KDR: variants seen among roughly 807,000 people sequenced by gnomAD.
KDR encodes the protein kinase insert domain receptor.
KDR carries 43 observed loss-of-function variants against 160.9 expected under a neutral mutation model. The observed-to-expected ratio is 0.27, with a 90% CI of 0.21 to 0.34. KDR has a LOEUF of 0.34. Among genes scored for constraint, KDR ranks in the 10% least tolerant of loss-of-function variants. The probability of loss-of-function intolerance (pLI) is 1.00; values close to 1 mark genes in which losing one functional copy is unlikely to be tolerated. For missense variants in KDR, 1,469 were observed against 1,666.4 expected (o/e 0.88, Z 2.06); for synonymous variants, 617 against 600.1 (o/e 1.03, Z -0.41).
intron 27 of KDR, among the ~76,000 whole-genome samples, chr4:55,085,810 G>C (rs1228194888): frequency 6.6e-6 from 1 of 152,194 alleles, no homozygotes; most frequent in Non-Finnish European, 1.5e-5. Flanking sequence ...TGTCACATTT[G>C]TCCACGCTTC....
At chr4:55,110,597 A>G (rs759294625) in intron 8 of KDR, 31 bp from the exon 9 acceptor site, 1 of 1,612,738 alleles carries the variant, frequency 6.2e-7, no homozygotes, top group Non-Finnish European at 8.5e-7. Context: ...GAATTAGTAT[A>G]GTCAAAGGAT....
At position 55,106,762 on chromosome 4, in the gene KDR, A is replaced by G; in HGVS notation, c.1461T>C (p.Ser487=). The change falls in exon 11 of 30, where the codon AGT becomes AGC. Residue 487 remains serine, a synonymous_variant. Transcript: ENST00000263923. The stretch of plus-strand genomic sequence containing the variant: ...TATTTCCTCCCTGGAAGTCCTCCAC[A>G]CTTCTCCATTCTTCACAAGGGTATG... ...TNPYPCEEWR[S]VEDFQGGNKI... 4 of 1,600,586 alleles carry G rather than the reference A, an allele frequency of 2.5e-6. No homozygotes were observed. The highest frequency in any genetic ancestry group is 3.4e-6 in the Non-Finnish European group (4 of 1,167,716).
At chr4:55,100,450 C>T (rs17710298) in intron 15 of KDR, among the ~76,000 whole-genome samples, 2,221 of 152,240 alleles carry the variant, frequency 0.015, 24 homozygotes, top group Non-Finnish European at 0.023. Flanking sequence ...ATATCTAGCT[C>T]TGCCTTTCTT....
intron 23 of KDR, 30 bp from the exon 24 acceptor site, chr4:55,089,832 C>A (rs369949403): frequency 8.7e-6 from 14 of 1,608,508 alleles, no homozygotes; most frequent in African/African-American, 1.3e-5. Flanking sequence ...GGATTCAGAA[C>A]CCAAATTAGC....
rs757575555 is a variant in KDR at position 55,082,622 on chromosome 4, T to C, written c.3676A>G (p.Asn1226Asp). 1.2e-6 allele frequency: 2 copies of C among 1,613,658 alleles called. No individual in the cohort carries two copies. The highest frequency in any genetic ancestry group is 1.7e-6 in the Non-Finnish European group (2 of 1,179,622). Residue 1226 changes from asparagine (N) to aspartate (D), a missense_variant, in exon 28 of 30, where the codon AAC (asparagine) becomes GAC (aspartate). Transcript: ENST00000263923. The stretch of plus-strand genomic sequence containing the variant: ...ACAGGCCGGCTCTTTCGCTTACTGT[T>C]CTGCAGATACTGACTGCAAAAGAAC... Reference protein sequence around the residue: ...NTAGISQYLQNSKRKSRPVSV... With the variant: ...NTAGISQYLQDSKRKSRPVSV...
At chr4:55,097,601 G>A in intron 18 of KDR, 61 bp downstream of exon 18, 2 of 1,090,234 alleles carry the variant, frequency 1.8e-6, no homozygotes, top group South Asian at 2.5e-5. Context: ...TACAAGCCTT[G>A]CAACATATTT....
intron 3 of KDR, 26 bp downstream of exon 3, chr4:55,118,578 G>T: frequency 1.3e-6 from 2 of 1,571,550 alleles, no homozygotes; most frequent in Non-Finnish European, 1.8e-6. Context: ...AGAGACGTGG[G>T]AAATGAATTT....
intron 3 of KDR, among the ~76,000 whole-genome samples, chr4:55,117,905 CATAACTCATT>C: frequency 6.6e-6 from 1 of 152,032 alleles, no homozygotes; most frequent in South Asian, 2.1e-4. Context: ...CAAAAGAATG[CATAACTCATT>C]ATAAATGCAG....
At position 55,114,212 on chromosome 4, in the gene KDR, C is replaced by T. The variant is rs750699220; in HGVS notation, c.712G>A (p.Val238Ile). The part of the protein sequence containing the change: ...LSPSHGIELS[V>I]GEKLVLNCTA... ...CAATTTAAGACAAGCTTTTCTCCAA[C>T]AGATAGTTCAATTCCATGAGACGGA... The change falls in exon 6 of 30, where the codon GTT (valine) becomes ATT (isoleucine). Residue 238 changes from valine (V) to isoleucine (I), a missense_variant. By Grantham distance (29) the Val-to-Ile change is conservative (BLOSUM62 3). Transcript: ENST00000263923. 1.1e-5 allele frequency: 17 copies of T among 1,613,844 alleles called. No individual in the cohort carries two copies. The highest frequency in any genetic ancestry group is 4.5e-5 in the East Asian group (2 of 44,888).
intron 16 of KDR, 36 bp from the exon 17 acceptor site, chr4:55,098,308 T>C (rs1468319362): frequency 6.8e-6 from 11 of 1,612,694 alleles, no homozygotes; most frequent in East Asian, 4.5e-5. Context: ...ATAAACACAC[T>C]GTTGTTTGGC....
chr4:55,105,321 T>A (rs1720419188), intron 12 of KDR, among the ~76,000 whole-genome samples: 2 of 152,192 alleles, frequency 1.3e-5, no homozygotes, highest in Admixed American at 1.3e-4. Context: ...TAACACTCAA[T>A]GATATGAAAG....
At chr4:55,098,826 G>A (rs2110018334) in intron 15 of KDR, 23 bp from the exon 16 acceptor site, 1 of 1,510,892 alleles carries the variant, frequency 6.6e-7, no homozygotes, top group Non-Finnish European at 9.2e-7. Flanking sequence ...AATTGAATGA[G>A]TATCAACAGT....
rs1164236883 is a variant in KDR at position 55,114,281 on chromosome 4, T to C, written c.659-16A>G. On this transcript the variant is annotated splice_polypyrimidine_tract_variant and intron_variant, in intron 5 of 29. Coordinates refer to ENST00000263923, the MANE Select transcript of KDR (RefSeq NM_002253.4). ...ATCCTATACCCTAGAGCAAGTAAAT[T>C]GAAAAAACAGAACATGAGAGAGCAA... 6.2e-7 allele frequency: 1 copy of C among 1,612,814 alleles called. No homozygotes were observed. Among genetic ancestry groups the C allele is most frequent in the East Asian group, 2.2e-5 (1 of 44,858 alleles).
intron 18 of KDR, 89 bp from the exon 19 acceptor site, chr4:55,096,431 A>G (rs1272580020): frequency 1.2e-6 from 1 of 869,534 alleles, no homozygotes; most frequent in Admixed American, 1.8e-5. Context: ...CCACTATACA[A>G]CTTACCCTCC....
rs1720330005 is a variant in KDR at position 55,102,239 on chromosome 4, G to A, written c.2134+123C>T. 11 of 1,323,196 alleles carry A rather than the reference G, an allele frequency of 8.3e-6. No individual in the cohort carries two copies. In the South Asian group the frequency reaches 1.2e-4, roughly 14 times the overall value. 82.0% of individuals were successfully genotyped at this position (1,323,196 alleles called of 1,614,324 possible). ...TACTCCAATTCTAAGTCTGTGAAAT[G>A]AGCCAGGTCATGGACACCAATACTG... On this transcript the variant is annotated intron_variant, in intron 14 of 29. Coordinates refer to ENST00000263923, the MANE Select transcript of KDR (RefSeq NM_002253.4).
intron 1 of KDR, among the ~76,000 whole-genome samples, chr4:55,124,509 A>G (rs1376077907): frequency 6.6e-6 from 1 of 152,166 alleles, no homozygotes; most frequent in Non-Finnish European, 1.5e-5. Context: ...GCTTACACCA[A>G]GGACCACAGC....
intron 2 of KDR, among the ~76,000 whole-genome samples, chr4:55,119,169 A>C (rs571756136): frequency 6.6e-6 from 1 of 151,966 alleles, no homozygotes; most frequent in South Asian, 2.1e-4. Flanking sequence ...AAATCACACC[A>C]CTGCACTTCA....
chr4:55,089,643 G>A (rs780263291), intron 24 of KDR, 48 bp downstream of exon 24: 3 of 1,537,578 alleles, frequency 2.0e-6, no homozygotes, highest in African/African-American at 1.4e-5. Context: ...GACAACTTTT[G>A]TCTTCCTCTT....
intron 27 of KDR, among the ~76,000 whole-genome samples, chr4:55,085,780 G>A (rs1578126408): frequency 6.6e-6 from 1 of 152,236 alleles, no homozygotes. Flanking sequence ...ATAGGAGCCA[G>A]GCCTGTGCTG....
Sources: allele counts gnomAD v4.1 joint callset (sites outside exome capture counted in the v4.1 genomes callset), GRCh38; gene constraint gnomAD v4.1.1; transcripts MANE v1.5; gene names NCBI Gene and HGNC (gene_info 2026-07-23, HGNC 2026-07-21).